ELK3: variants seen among roughly 807,000 people sequenced by gnomAD.
ELK3 encodes ETS transcription factor ELK3, also known as ETS domain-containing protein Elk-3.
In ELK3, 10 loss-of-function variants were observed where a neutral mutation model predicts 28.9. That is an observed-to-expected ratio of 0.35 (90% CI 0.21 to 0.59). ELK3 has a LOEUF of 0.59. ELK3 is among the 20% of genes least tolerant of loss of function. The pLI is 0.82. For synonymous variants in ELK3, 272 were observed against 243.5 expected (o/e 1.12, Z -1.09); for missense variants, 463 against 517.3 (o/e 0.90, Z 1.02).
intron 1 of ELK3, among the ~76,000 whole-genome samples, chr12:96,203,201 G>A (rs1951517695): frequency 6.6e-6 from 1 of 152,178 alleles, no homozygotes; most frequent in African/African-American, 2.4e-5. Flanking sequence ...CAGTTTTAGA[G>A]ACATCTTTCT....
chr12:96,267,238 G>A lies in ELK3; in HGVS notation c.*58G>A. The A allele has an allele frequency of 1.3e-6, 2 of 1,481,712 alleles. No homozygotes were observed. The highest frequency in any genetic ancestry group is 1.4e-5 in the African/African-American group (1 of 72,076). 91.8% of individuals were successfully genotyped at this position (1,481,712 alleles called of 1,614,324 possible). ...TGATGAAACAAATTTGTCCCCACGG[G>A]CTAGTTTACCTGTGTCGTGAGAAGG... On this transcript the variant is annotated 3_prime_UTR_variant, in exon 5 of 5. Transcript: ENST00000228741.
intron 1 of ELK3, among the ~76,000 whole-genome samples, chr12:96,223,198 C>T (rs1371149067): frequency 1.3e-5 from 2 of 152,072 alleles, no homozygotes; most frequent in Admixed American, 6.5e-5. Flanking sequence ...ATGGGATGGG[C>T]GGGAATAGAC....
intron 4 of ELK3, among the ~76,000 whole-genome samples, chr12:96,261,682 T>C (rs1213585022): frequency 6.6e-6 from 1 of 152,200 alleles, no homozygotes; most frequent in Non-Finnish European, 1.5e-5. Context: ...TGCCACCTGA[T>C]TGGTGCAGGC....
chr12:96,268,217 G>C lies in ELK3; in HGVS notation c.*1037G>C, dbSNP rs1459493879. On this transcript the variant is annotated 3_prime_UTR_variant, in exon 5 of 5. Coordinates refer to ENST00000228741, the MANE Select transcript of ELK3 (RefSeq NM_005230.4). ...TTTTTAACACTAGGTATCTTCATCA[G>C]TATAGGTAGGTGTTCACAATTTTTG... The C allele has an allele frequency of 1.3e-5, 2 of 152,216 alleles. No individual in the cohort carries two copies. The highest frequency in any genetic ancestry group is 2.9e-5 in the Non-Finnish European group (2 of 68,032). 9.4% of individuals were successfully genotyped at this position (152,216 alleles called of 1,614,324 possible).
At chr12:96,233,727 G>GAT (rs1218403726) in intron 2 of ELK3, among the ~76,000 whole-genome samples, 3 of 152,200 alleles carry the variant, frequency 2.0e-5, no homozygotes, top group Non-Finnish European at 4.4e-5. Context: ...TTGTCAAAGT[G>GAT]GAGAAGGAAC....
intron 4 of ELK3, among the ~76,000 whole-genome samples, chr12:96,262,479 C>T (rs1952000129): frequency 6.6e-6 from 1 of 152,102 alleles, no homozygotes; most frequent in African/African-American, 2.4e-5. Context: ...ACCAAGTGGA[C>T]CTGTTCTCTT....
rs139277684 is a variant in ELK3 at position 96,252,136 on chromosome 12, C to G, written c.1002+4402C>G. Among the ~76,000 whole-genome samples, 280 of 152,340 alleles carry G rather than the reference C, an allele frequency of 1.8e-3. 2 individuals are homozygous for G. Among genetic ancestry groups the G allele is most frequent in the Middle Eastern group, 3.4e-3 (1 of 294 alleles). On this transcript the variant is annotated intron_variant, in intron 3 of 4. Transcript: ENST00000228741. The stretch of plus-strand genomic sequence containing the variant: ...CTCTGCCTGTGCTCTGTAAATGGAA[C>G]AACAAAGTCTGGACGACAGCACATC...
intron 2 of ELK3, among the ~76,000 whole-genome samples, chr12:96,232,308 C>T (rs563551954): frequency 6.6e-6 from 1 of 152,204 alleles, no homozygotes; most frequent in Admixed American, 6.5e-5. Flanking sequence ...CGGTGGCTCA[C>T]GCCTGCAATC....
intron 2 of ELK3, among the ~76,000 whole-genome samples, chr12:96,236,612 A>C (rs1478922611): frequency 2.0e-5 from 3 of 152,128 alleles, no homozygotes; most frequent in Admixed American, 6.5e-5. Flanking sequence ...GCACACTCCA[A>C]AGTTCGGCTT....
intron 1 of ELK3, among the ~76,000 whole-genome samples, chr12:96,217,767 C>A (rs1951629337): frequency 6.6e-6 from 1 of 151,860 alleles, no homozygotes; most frequent in Non-Finnish European, 1.5e-5. Flanking sequence ...GAAACCCTGT[C>A]TCCACTAAAA....
rs538648888 is a variant in ELK3 at position 96,255,126 on chromosome 12, G to A, written c.1003-4605G>A. On this transcript the variant is annotated intron_variant, in intron 3 of 4. Transcript: ENST00000228741. ...TATGGTGGGAGGGGTCAGAGGGATG[G>A]ATCTGATGTTGGGAGTGCCGTCAGC... 5.7e-4 allele frequency among the ~76,000 whole-genome samples: 86 copies of A among 152,184 alleles called. 1 individual carries two copies. The highest frequency in any genetic ancestry group is 6.8e-3 in the Middle Eastern group (2 of 294).
Position 96,232,314 on chromosome 12 carries a change from C to T in ELK3, c.207+8541C>T, listed in dbSNP as rs1423678519. Among the ~76,000 whole-genome samples, 6 of 152,168 alleles carry T rather than the reference C, an allele frequency of 3.9e-5. No homozygotes were observed. In the South Asian group the frequency reaches 1.0e-3, roughly 26 times the overall value. ...GGCTGGGTGCGGTGGCTCACGCCTG[C>T]AATCCCAGCACTTTGGGAGGCCGAG... On this transcript the variant is annotated intron_variant, in intron 2 of 4. Transcript: ENST00000228741.
intron 2 of ELK3, among the ~76,000 whole-genome samples, chr12:96,237,817 G>C (rs1288033290): frequency 6.6e-6 from 1 of 152,240 alleles, no homozygotes; most frequent in Non-Finnish European, 1.5e-5. Flanking sequence ...AATGTTTGCT[G>C]AAAGAATGTT....
intron 3 of ELK3, among the ~76,000 whole-genome samples, chr12:96,251,913 C>T (rs754492286): frequency 3.3e-5 from 5 of 152,250 alleles, no homozygotes; most frequent in Non-Finnish European, 7.3e-5. Context: ...GAAGATCTAG[C>T]TACGCTCATT....
chr12:96,262,547 G>A (rs1382625220), intron 4 of ELK3, among the ~76,000 whole-genome samples: 1 of 152,044 alleles, frequency 6.6e-6, no homozygotes, highest in African/African-American at 2.4e-5. Context: ...TATTCCGGAT[G>A]GCTGACAGGT....
chr12:96,219,638 G>T (rs920471673), intron 1 of ELK3, among the ~76,000 whole-genome samples: 4 of 152,148 alleles, frequency 2.6e-5, no homozygotes, highest in African/African-American at 9.7e-5. Context: ...AGACAACCAC[G>T]CATTTTCATC....
At position 96,195,773 on chromosome 12, in the gene ELK3, A is replaced by G. The variant is rs374969060; in HGVS notation, c.-3+1068A>G. Among the ~76,000 whole-genome samples the G allele has an allele frequency of 1.2e-4, 18 of 152,208 alleles. No homozygotes were observed. In the East Asian group the frequency reaches 3.3e-3, roughly 28 times the overall value. On this transcript the variant is annotated intron_variant, in intron 1 of 4. Coordinates refer to ENST00000228741, the MANE Select transcript of ELK3 (RefSeq NM_005230.4). ...GCAGACAGCATCTTGAAAATGACTC[A>G]CTAGAGGAGCTCACAAAGAAACTGT...
intron 1 of ELK3, among the ~76,000 whole-genome samples, chr12:96,201,580 CAAAAAAAAAAAA>C (rs11298632): frequency 2.4e-5 from 2 of 82,934 alleles, no homozygotes; most frequent in Non-Finnish European, 2.4e-5. Context: ...AACCCTGTCT[CAAAAAAAAAAAA>C]AAAAAAAAAA....
intron 1 of ELK3, among the ~76,000 whole-genome samples, chr12:96,195,186 C>G (rs1386645004): frequency 6.6e-6 from 1 of 152,060 alleles, no homozygotes; most frequent in Non-Finnish European, 1.5e-5. Flanking sequence ...AGTCAGGCTC[C>G]CCTCGAGTGG....
Sources: allele counts gnomAD v4.1 joint callset (sites outside exome capture counted in the v4.1 genomes callset), GRCh38; gene constraint gnomAD v4.1.1; transcripts MANE v1.5; gene names NCBI Gene and HGNC (gene_info 2026-07-23, HGNC 2026-07-21).